KMT2C: variants seen among roughly 807,000 people sequenced by gnomAD.
The protein encoded by KMT2C is histone-lysine N-methyltransferase 2C.
A neutral mutation model predicts 507.9 loss-of-function variants in KMT2C; 88 were observed. The ratio of observed to expected loss-of-function variants is 0.17; its 90% CI spans 0.15 to 0.21. The LOEUF (loss-of-function observed/expected upper bound fraction) is 0.21, where lower values mean the gene tolerates loss of function less well. Among genes scored for constraint, KMT2C ranks in the 10% least tolerant of loss-of-function variants. KMT2C has a pLI of 1.00. For missense variants in KMT2C, 4,954 were observed against 5,957.8 expected, an observed-to-expected ratio of 0.83 and a Z score of 5.55; for synonymous variants, 2,049 against 2,080.8, an observed-to-expected ratio of 0.98 and a Z score of 0.42.
At chr7:152,137,090 G>A (rs2089941818) in intron 58 of KMT2C, 166 bp from the exon 59 acceptor site, 1 of 604,320 alleles carries the variant, frequency 1.7e-6, no homozygotes, top group Non-Finnish European at 2.9e-6. Context: ...CTGAAAAGAG[G>A]CATTGTGCTT....
At chr7:152,387,711 T>G (rs1307486682) in intron 1 of KMT2C, among the ~76,000 whole-genome samples, 1 of 152,182 alleles carries the variant, frequency 6.6e-6, no homozygotes, top group African/African-American at 2.4e-5. Context: ...GACCTCGTGA[T>G]CCGCCCGCCT....
intron 3 of KMT2C, among the ~76,000 whole-genome samples, chr7:152,328,700 G>A (rs1176554644): frequency 2.0e-5 from 3 of 152,112 alleles, no homozygotes; most frequent in African/African-American, 7.2e-5. Context: ...TGGTTAAAAG[G>A]CTACTACAAC....
intron 23 of KMT2C, among the ~76,000 whole-genome samples, chr7:152,208,798 T>C (rs2094376268): frequency 6.6e-6 from 1 of 152,236 alleles, no homozygotes; most frequent in African/African-American, 2.4e-5. Flanking sequence ...TTTTTTATTA[T>C]ATTTGGTCTA....
intron 1 of KMT2C, among the ~76,000 whole-genome samples, chr7:152,399,150 G>A (rs527401529): frequency 5.3e-5 from 8 of 152,052 alleles, no homozygotes; most frequent in East Asian, 1.9e-4. Flanking sequence ...TTATAAACAC[G>A]CAAAACACCT....
intron 31 of KMT2C, among the ~76,000 whole-genome samples, 195 bp from the exon 32 acceptor site, chr7:152,188,042 C>A (rs2093676698): frequency 6.6e-6 from 1 of 152,104 alleles, no homozygotes; most frequent in Non-Finnish European, 1.5e-5. Context: ...ATGCCAAGCT[C>A]CATAGGGCCA....
At chr7:152,431,329 T>G (rs2097860748) in intron 1 of KMT2C, among the ~76,000 whole-genome samples, 1 of 151,950 alleles carries the variant, frequency 6.6e-6, no homozygotes, top group African/African-American at 2.4e-5. Flanking sequence ...CCAGGTGCGG[T>G]GTTTCATGTC....
intron 1 of KMT2C, among the ~76,000 whole-genome samples, chr7:152,424,955 T>C (rs1447507653): frequency 6.6e-6 from 1 of 152,164 alleles, no homozygotes; most frequent in Non-Finnish European, 1.5e-5. Context: ...GCTCAAGGCT[T>C]GTACCCAAAA....
intron 43 of KMT2C, among the ~76,000 whole-genome samples, 171 bp downstream of exon 43, chr7:152,161,946 A>G (rs541694078): frequency 7.2e-5 from 11 of 152,392 alleles, no homozygotes; most frequent in African/African-American, 2.6e-4. Flanking sequence ...TATAGTTTAG[A>G]TATAAGTAAA....
intron 2 of KMT2C, among the ~76,000 whole-genome samples, chr7:152,339,941 C>G (rs781335866): frequency 6.6e-6 from 1 of 151,912 alleles, no homozygotes; most frequent in Admixed American, 6.6e-5. Context: ...CATTCATTAT[C>G]GACTAGTTAT....
At chr7:152,264,845 TAAC>T (rs1043537168) in intron 8 of KMT2C, among the ~76,000 whole-genome samples, 190 bp downstream of exon 8, 9 of 151,092 alleles carry the variant, frequency 6.0e-5, no homozygotes, top group African/African-American at 2.2e-4. Flanking sequence ...TATAATATAA[TAAC>T]AAATTATATT....
chr7:152,326,253 CT>C (rs1438166570), intron 3 of KMT2C, among the ~76,000 whole-genome samples: 1 of 152,056 alleles, frequency 6.6e-6, no homozygotes, highest in Non-Finnish European at 1.5e-5. Flanking sequence ...TTAGAATTTT[CT>C]TGAACCTACA....
Position 152,169,519 on chromosome 7 carries a change from A to G in KMT2C, c.9454-270T>C, listed in dbSNP as rs1193357615. Among the ~76,000 whole-genome samples, 50 of 152,332 alleles carry G rather than the reference A, an allele frequency of 3.3e-4. 1 individual carries two copies. Among genetic ancestry groups the G allele is most frequent in the African/African-American group, 2.4e-5 (1 of 41,582 alleles). ...AGGTAAAGGATTATTCATCAGAAAT[A>G]TAATACAGGGCAAATCAATTACTGC... On this transcript the variant is annotated intron_variant, in intron 40 of 58. Coordinates refer to ENST00000262189, the MANE Select transcript of KMT2C (RefSeq NM_170606.3).
rs769437118 is a variant in KMT2C at position 152,181,571 on chromosome 7, G to C, written c.6289C>G (p.Pro2097Ala). ...HNQSNDPYSQ[P>A]PLTPHPAVNE... is the part of the protein sequence containing the mutation. ...ACTGCTGGATGTGGGGTAAGGGGAG[G>C]CTGACTATATGGATCATTTGACTGA... The change falls in exon 36 of 59, where the codon CCT becomes GCT. Residue 2097 changes from proline (P) to alanine (A), a missense_variant. Pro to Ala is a conservative substitution (Grantham distance 27). Around this residue, in one of 29 missense-constraint regions of KMT2C, gnomAD observed 1,689 missense variants for 1,654.3 expected, o/e 1.02. Coordinates refer to ENST00000262189, the MANE Select transcript of KMT2C (RefSeq NM_170606.3). The C allele has an allele frequency of 6.2e-7, 1 of 1,614,006 alleles. No homozygotes were observed.
At chr7:152,366,070 T>C (rs968119578) in intron 1 of KMT2C, among the ~76,000 whole-genome samples, 8 of 152,102 alleles carry the variant, frequency 5.3e-5, no homozygotes, top group African/African-American at 1.7e-4. Context: ...GGATGGCTAC[T>C]GTGAAAAATA....
intron 10 of KMT2C, among the ~76,000 whole-genome samples, 180 bp downstream of exon 10, chr7:152,252,366 C>T (rs1204597944): frequency 2.0e-5 from 3 of 152,032 alleles, no homozygotes; most frequent in Admixed American, 6.6e-5. Context: ...TATCTTTTGC[C>T]CATTTACTTC....
chr7:152,276,888 G>C (rs1180693674), intron 6 of KMT2C, among the ~76,000 whole-genome samples: 2 of 151,934 alleles, frequency 1.3e-5, no homozygotes, highest in Admixed American at 1.3e-4. Context: ...AGTAAGAAAA[G>C]GAAAAAAGTA....
At chr7:152,137,381 G>T (rs2089976449) in intron 58 of KMT2C, 1 of 168,298 alleles carries the variant, frequency 5.9e-6, no homozygotes, top group Non-Finnish European at 1.3e-5. Context: ...CTGAAAGGAT[G>T]TCTTTCTATT....
chr7:152,430,286 TAAAG>T (rs920976147), intron 1 of KMT2C, among the ~76,000 whole-genome samples: 9 of 149,370 alleles, frequency 6.0e-5, no homozygotes, highest in African/African-American at 2.0e-4. Flanking sequence ...ACAAACATGA[TAAAG>T]AAAATTTTTA....
intron 18 of KMT2C, among the ~76,000 whole-genome samples, chr7:152,226,814 T>G (rs182962067): frequency 6.6e-6 from 1 of 152,132 alleles, no homozygotes; most frequent in East Asian, 1.9e-4. Flanking sequence ...TACAAATATA[T>G]GTAAACAAAA....
Sources: allele counts gnomAD v4.1 joint callset (sites outside exome capture counted in the v4.1 genomes callset), GRCh38; gene constraint gnomAD v4.1.1; regional missense constraint gnomAD v4.1.1; transcripts MANE v1.5; gene names NCBI Gene and HGNC (gene_info 2026-07-23, HGNC 2026-07-21).